The following PHRF1 variants were observed in gnomAD, a reference collection of about 807,000 sequenced individuals.
PHRF1 encodes the protein PHD and RING finger domain-containing protein 1.
A neutral mutation model predicts 128.9 loss-of-function variants in PHRF1; 53 were observed. The observed-to-expected ratio is 0.41, with a 90% CI of 0.33 to 0.52. The LOEUF is 0.52. PHRF1 is among the 20% of genes least tolerant of loss of function. The pLI, the probability that PHRF1 is intolerant of heterozygous loss-of-function variation, is 0.21. For synonymous variants in PHRF1, 1,178 were observed against 980.6 expected, an observed-to-expected ratio of 1.20 and a Z score of -3.76; for missense variants, 2,503 against 2,284.5, an observed-to-expected ratio of 1.10 and a Z score of -1.95.
Position 606,782 on chromosome 11 carries a change from C to A in PHRF1, c.1609+186C>A. On this transcript the variant is annotated intron_variant, in intron 13 of 17. Transcript: ENST00000264555. ...TCTCAGTTAGCTCCGAGTTCTTACC[C>A]AGCCCCACAGCTTCATGTTCATAAG... 5 of 937,392 alleles carry A rather than the reference C, an allele frequency of 5.3e-6. No homozygotes were observed. The South Asian group carries it at 7.1e-5, about 13-fold the overall frequency. The allele number at this position is 937,392 out of a possible 1,614,324, so 58.1% of individuals were successfully genotyped here. A position where few individuals can be genotyped will look rare whatever the true frequency, so the allele number is the denominator to read the frequency against.
In PHRF1 at chr11:590,071, A is replaced by ACGGAACG. The variant is rs1449544775; in HGVS notation, c.421-1313_421-1312insCGGAACG. ...AGCCTGAGAATGTCTGCAAACGGGC[A>ACGGAACG]TGGAGCGTGCGGGGCTCAGCCTGAG... On this transcript the variant is annotated intron_variant, in intron 4 of 17. Coordinates refer to ENST00000264555, the MANE Select transcript of PHRF1 (RefSeq NM_001286581.2). Among the ~76,000 whole-genome samples, 320 of 150,146 alleles carry ACGGAACG rather than the reference A, an allele frequency of 2.1e-3. 11 individuals carry two copies. Among genetic ancestry groups the ACGGAACG allele is most frequent in the African/African-American group, 7.6e-3 (309 of 40,528 alleles).
At position 606,439 on chromosome 11, in the gene PHRF1, C is replaced by T. The variant is rs1399076413; in HGVS notation, c.1455-3C>T. The T allele has an allele frequency of 1.9e-6, 3 of 1,544,294 alleles. No homozygotes were observed. The highest frequency in any genetic ancestry group is 2.7e-5 in the African/African-American group (2 of 73,456). On this transcript the variant is annotated splice_polypyrimidine_tract_variant and splice_region_variant and intron_variant, in intron 12 of 17. Coordinates refer to ENST00000264555, the MANE Select transcript of PHRF1 (RefSeq NM_001286581.2). The stretch of plus-strand genomic sequence containing the variant: ...CGGCAGGGCCTTGGGTCTGTGCCCA[C>T]AGGAGGCGCCTCCCTGCCGCGGTGC...
chr11:591,605 C>T (rs756038109), intron 5 of PHRF1, 138 bp downstream of exon 5: 9 of 743,644 alleles, frequency 1.2e-5, no homozygotes, highest in African/African-American at 1.9e-5. Context: ...ACTCAAGTGC[C>T]CCTTGTGGCC....
Position 608,352 on chromosome 11 carries a change from G to A in PHRF1, c.2896G>A (p.Val966Met), listed in dbSNP as rs1428290442. The stretch of plus-strand genomic sequence containing the variant: ...GCGGACGGTGACCTGTGTGACTGTC[G>A]TGGAGCCGGAAGCCCCACCCAGCCC... Reference protein sequence around the residue: ...EERTVTCVTVVEPEAPPSPDV... With the variant: ...EERTVTCVTVMEPEAPPSPDV... The change falls in exon 14 of 18, where the codon GTG becomes ATG. Residue 966 changes from valine to methionine, a missense_variant. Transcript: ENST00000264555. The A allele has an allele frequency of 1.2e-5, 20 of 1,610,068 alleles. No individual in the cohort carries two copies. The highest frequency in any genetic ancestry group is 1.5e-5 in the Non-Finnish European group (18 of 1,178,990).
intron 1 of PHRF1, among the ~76,000 whole-genome samples, chr11:576,978 C>T (rs571281280): frequency 6.6e-6 from 1 of 152,220 alleles, no homozygotes; most frequent in South Asian, 2.1e-4. Flanking sequence ...CGAGAGCCCA[C>T]TCGCCTCGCT....
rs867254545 is a variant in PHRF1, at chr11:597,513, T to A, written c.837T>A (p.Ser279Arg). Residue 279 changes from serine to arginine, a missense_variant, in exon 8 of 18, where the codon AGT becomes AGA. Physicochemically the swap from Ser to Arg is moderately radical, Grantham distance 110. Transcript: ENST00000264555. This position sits in a 1 kb window ranked among gnomAD's most constrained non-coding sequence, Gnocchi z 6.5. ...RTRAIARTRQ[S>R]ERVRATVNRN... ...GGGCGATAGCCAGGACACGGCAGAG[T>A]GAGAGAGTGAGAGCAACCGTGAACC... 1 of 1,611,290 alleles carries A rather than the reference T, an allele frequency of 6.2e-7. No individual in the cohort carries two copies. The highest frequency in any genetic ancestry group is 1.7e-5 in the Admixed American group (1 of 59,816).
In PHRF1 at chr11:576,538, G is replaced by C. The variant is rs1419425782; in HGVS notation, c.-76G>C. On this transcript the variant is annotated 5_prime_UTR_variant, in exon 1 of 18. Coordinates refer to ENST00000264555, the MANE Select transcript of PHRF1 (RefSeq NM_001286581.2). ...GCGGCCGGGCCTAGGAGCGACTCTC[G>C]GTCGTGCAGCGGCGGCGAGCGCTCG... 2 of 152,410 alleles carry C rather than the reference G, an allele frequency of 1.3e-5. No individual in the cohort carries two copies. The highest frequency in any genetic ancestry group is 1.3e-4 in the Admixed American group (2 of 15,250). The allele number at this position is 152,410 out of a possible 1,614,324, so 9.4% of individuals were successfully genotyped here. A position where few individuals can be genotyped will look rare whatever the true frequency, so the allele number is the denominator to read the frequency against.
chr11:595,184 G>C lies in PHRF1; in HGVS notation c.621-1739G>C, dbSNP rs150641410. Reference sequence around the variant, plus strand: ...CTAAAAATAAAAAAATTGGCCGGGCGTGGTGGTTCACACCTGTAACCCCCG... The same window carrying C: ...CTAAAAATAAAAAAATTGGCCGGGCCTGGTGGTTCACACCTGTAACCCCCG... On this transcript the variant is annotated intron_variant, in intron 6 of 17. Coordinates refer to ENST00000264555, the MANE Select transcript of PHRF1 (RefSeq NM_001286581.2). Among the ~76,000 whole-genome samples the C allele has an allele frequency of 6.0e-3, 910 of 152,242 alleles. 5 individuals carry two copies. Among genetic ancestry groups the C allele is most frequent in the African/African-American group, 0.02 (841 of 41,548 alleles).
intron 1 of PHRF1, among the ~76,000 whole-genome samples, chr11:577,932 C>T (rs552928835): frequency 1.0e-4 from 16 of 152,392 alleles, no homozygotes; most frequent in African/African-American, 3.6e-4. Flanking sequence ...TCCCCCAAAT[C>T]TGGAGGCTAA....
At chr11:586,158 G>A (rs1854544192) in intron 3 of PHRF1, among the ~76,000 whole-genome samples, 1 of 152,140 alleles carries the variant, frequency 6.6e-6, no homozygotes, top group South Asian at 2.1e-4. Context: ...ACCACGCCTG[G>A]CAATTTTTTG....
chr11:585,003 G>C (rs1238944135), intron 3 of PHRF1, among the ~76,000 whole-genome samples: 1 of 152,058 alleles, frequency 6.6e-6, no homozygotes, highest in Admixed American at 6.6e-5. Context: ...CTCCCAAAGT[G>C]CTGGGATGAC....
chr11:607,428 T>C lies in PHRF1; in HGVS notation c.1972T>C (p.Cys658Arg), dbSNP rs1445289795. ...KISSRDSKPP[C>R]RSVVPGPPLK... ...CTCAAGCAGAGATTCTAAGCCCCCA[T>C]GTCGCAGTGTGGTGCCGGGGCCTCC... is the stretch of plus-strand genomic sequence containing the variant. The change falls in exon 14 of 18, where the codon TGT becomes CGT. Residue 658 changes from cysteine to arginine, a missense_variant. Physicochemically the swap from Cys to Arg is radical, Grantham distance 180. Coordinates refer to ENST00000264555, the MANE Select transcript of PHRF1 (RefSeq NM_001286581.2). 6.2e-7 allele frequency: 1 copy of C among 1,612,798 alleles called. No individual in the cohort carries two copies. Among genetic ancestry groups the C allele is most frequent in the Non-Finnish European group, 8.5e-7 (1 of 1,179,864 alleles).
chr11:610,540 T>C lies in PHRF1; in HGVS notation c.4456T>C (p.Ser1486Pro), dbSNP rs1315259850. 1 of 1,605,626 alleles carries C rather than the reference T, an allele frequency of 6.2e-7. No homozygotes were observed. Among genetic ancestry groups the C allele is most frequent in the South Asian group, 1.1e-5 (1 of 91,020 alleles). Reference sequence around the variant, plus strand: ...CCTGCCGCCTGCCCCGGCCCAGCCCTCAAGCATCCCACCCTGCGCACTGGT... The same window carrying C: ...CCTGCCGCCTGCCCCGGCCCAGCCCCCAAGCATCCCACCCTGCGCACTGGT... ...PGLPPAPAQP[S>P]SIPPCALVSQ... Residue 1486 changes from serine to proline, a missense_variant, in exon 16 of 18, where the codon TCA becomes CCA. Coordinates refer to ENST00000264555, the MANE Select transcript of PHRF1 (RefSeq NM_001286581.2).
chr11:580,189 C>T (rs949045438), intron 1 of PHRF1, among the ~76,000 whole-genome samples: 6 of 152,232 alleles, frequency 3.9e-5, no homozygotes, highest in African/African-American at 1.4e-4. Flanking sequence ...CTAGGACAGG[C>T]CTTTCCTCCG....
At chr11:603,414 C>T (rs1855756155) in intron 10 of PHRF1, among the ~76,000 whole-genome samples, 1 of 151,798 alleles carries the variant, frequency 6.6e-6, no homozygotes, top group African/African-American at 2.4e-5. Context: ...CTCACTGCAC[C>T]CGCCTTGACC....
chr11:606,373 C>T (rs964186810), intron 12 of PHRF1, 69 bp from the exon 13 acceptor site: 2 of 1,470,778 alleles, frequency 1.4e-6, no homozygotes, highest in South Asian at 1.3e-5. Context: ...TGCTGCGGGG[C>T]TCTGCCTGGG....
chr11:591,861 C>G (rs1179333106), intron 5 of PHRF1, among the ~76,000 whole-genome samples: 1 of 152,092 alleles, frequency 6.6e-6, no homozygotes, highest in Non-Finnish European at 1.5e-5. Context: ...ATCCTCATGC[C>G]TCAGCCTCCT....
rs777887168 is a variant in PHRF1 at position 597,565 on chromosome 11, G to A, written c.889G>A (p.Val297Ile). ...NRNRISTARR[V>I]QHTPGRLGSS... ...GAACCGGATCTCCACGGCCAGGAGG[G>A]TCCAGGTGGGTGGCCCAGCCCTGAC... The change falls in exon 8 of 18, where the codon GTC becomes ATC. Residue 297 changes from valine (V) to isoleucine (I), a missense_variant. Val to Ile is a conservative substitution (Grantham distance 29, BLOSUM62 3). Transcript: ENST00000264555. This position sits in a 1 kb window ranked among gnomAD's most constrained non-coding sequence, Gnocchi z 6.5. The A allele has an allele frequency of 2.5e-6, 4 of 1,610,526 alleles. No individual in the cohort carries two copies. The highest frequency in any genetic ancestry group is 1.7e-5 in the Admixed American group (1 of 59,706).
At chr11:580,253 A>C (rs1854127670) in intron 1 of PHRF1, among the ~76,000 whole-genome samples, 1 of 152,242 alleles carries the variant, frequency 6.6e-6, no homozygotes, top group Non-Finnish European at 1.5e-5. Flanking sequence ...AACCACGTGC[A>C]CGTATCTCCT....
Sources: allele counts gnomAD v4.1 joint callset (sites outside exome capture counted in the v4.1 genomes callset), GRCh38; gene constraint gnomAD v4.1.1; non-coding constraint Gnocchi (gnomAD v3.1); transcripts MANE v1.5; gene names NCBI Gene and HGNC (gene_info 2026-07-23, HGNC 2026-07-21).